EYS: variants seen among roughly 807,000 people sequenced by gnomAD.
EYS encodes protein eyes shut homolog.
Under a neutral mutation model 282.1 loss-of-function variants are expected in EYS, and 250 were observed. The observed-to-expected ratio is 0.89, with a 90% CI of 0.80 to 0.98. The LOEUF (loss-of-function observed/expected upper bound fraction) is 0.98, where lower values mean the gene tolerates loss of function less well. Ranked by LOEUF, EYS falls within the 50% of genes least tolerant of loss-of-function variation. The pLI is 0.00. For missense variants in EYS, 4,016 were observed against 3,709.0 expected (o/e 1.08, Z -2.15); for synonymous variants, 1,355 against 1,282.9 (o/e 1.06, Z -1.20).
intron 26 of EYS, among the ~76,000 whole-genome samples, chr6:64,531,585 TTTA>T (rs1332881490): frequency 2.7e-5 from 4 of 149,766 alleles, no homozygotes; most frequent in African/African-American, 9.8e-5. Context: ...TTTATTTTAT[TTTA>T]TTTTATTTTA....
At chr6:64,300,514 C>T (rs1769197125) in intron 30 of EYS, among the ~76,000 whole-genome samples, 1 of 152,196 alleles carries the variant, frequency 6.6e-6, no homozygotes, top group Non-Finnish European at 1.5e-5. Context: ...CTCCAAATCC[C>T]ATTTAAGTAA....
intron 19 of EYS, among the ~76,000 whole-genome samples, chr6:64,839,762 G>T (rs1233390138): frequency 6.6e-6 from 1 of 151,966 alleles, no homozygotes; most frequent in East Asian, 1.9e-4. Context: ...CTTGTTGCTG[G>T]ATCCTAGAGG....
At chr6:64,391,773 T>C (rs1198038766) in intron 28 of EYS, among the ~76,000 whole-genome samples, 4 of 151,916 alleles carry the variant, frequency 2.6e-5, no homozygotes, top group South Asian at 2.1e-4. Context: ...TCACACATAA[T>C]AATATTAACT....
At chr6:63,832,705 A>T (rs188379686) in intron 36 of EYS, among the ~76,000 whole-genome samples, 1 of 152,340 alleles carries the variant, frequency 6.6e-6, no homozygotes, top group Admixed American at 6.5e-5. Flanking sequence ...AATACTCCCT[A>T]ACTCATTTCA....
chr6:64,607,938 T>C (rs1191369585), intron 24 of EYS, among the ~76,000 whole-genome samples: 1 of 152,146 alleles, frequency 6.6e-6, no homozygotes, highest in Non-Finnish European at 1.5e-5. Flanking sequence ...CACAAAATTG[T>C]TTTAATCATT....
At chr6:64,378,537 G>A (rs1191974058) in intron 29 of EYS, among the ~76,000 whole-genome samples, 1 of 152,114 alleles carries the variant, frequency 6.6e-6, no homozygotes, top group Non-Finnish European at 1.5e-5. Context: ...GATTAGCACA[G>A]AGTAGAATGA....
At chr6:63,891,375 A>G (rs1773402940) in intron 35 of EYS, among the ~76,000 whole-genome samples, 1 of 152,182 alleles carries the variant, frequency 6.6e-6, no homozygotes, top group Non-Finnish European at 1.5e-5. Flanking sequence ...GCACATTAAA[A>G]AGCTTATCCA....
chr6:65,652,022 A>G (rs190910397), intron 1 of EYS, among the ~76,000 whole-genome samples: 138 of 152,132 alleles, frequency 9.1e-4, no homozygotes, highest in Non-Finnish European at 1.8e-3. Context: ...TAGACACAAT[A>G]GAAGCTCCAT....
At chr6:65,263,765 T>G in intron 12 of EYS, among the ~76,000 whole-genome samples, 1 of 146,350 alleles carries the variant, frequency 6.8e-6, no homozygotes, top group African/African-American at 2.6e-5. Context: ...TAAAAAACAA[T>G]TGTGGTAGCT....
At chr6:65,359,223 T>A (rs953106996) in intron 8 of EYS, among the ~76,000 whole-genome samples, 1 of 152,194 alleles carries the variant, frequency 6.6e-6, no homozygotes, top group East Asian at 1.9e-4. Context: ...ATCTATTTCT[T>A]GTATCTCATG....
chr6:63,990,157 G>A (rs566182152), intron 34 of EYS, among the ~76,000 whole-genome samples: 1 of 151,568 alleles, frequency 6.6e-6, no homozygotes, highest in African/African-American at 2.4e-5. Context: ...TATAATTTGG[G>A]GAATTAAATA....
intron 22 of EYS, among the ~76,000 whole-genome samples, chr6:64,773,499 G>T (rs1773587513): frequency 6.6e-6 from 1 of 151,672 alleles, no homozygotes; most frequent in Admixed American, 6.6e-5. Context: ...CTCAATAATG[G>T]GATTGCTGGA....
intron 12 of EYS, among the ~76,000 whole-genome samples, chr6:65,287,370 T>C (rs1378490376): frequency 6.6e-6 from 1 of 151,500 alleles, no homozygotes; most frequent in African/African-American, 2.4e-5. Flanking sequence ...CTTCCCAAGA[T>C]GGTTATTTTA....
At chr6:65,255,748 T>TA (rs1767443593) in intron 12 of EYS, among the ~76,000 whole-genome samples, 1 of 151,912 alleles carries the variant, frequency 6.6e-6, no homozygotes, top group Admixed American at 6.6e-5. Context: ...AACAGGTGTA[T>TA]AAAAAATGTT....
intron 26 of EYS, among the ~76,000 whole-genome samples, chr6:64,545,505 T>G (rs1223415797): frequency 1.3e-5 from 2 of 152,216 alleles, no homozygotes; most frequent in Non-Finnish European, 2.9e-5. Flanking sequence ...AACGTAGTGT[T>G]GGAAGTTCTG....
chr6:64,258,731 T>C (rs1767485224), intron 30 of EYS, among the ~76,000 whole-genome samples: 1 of 152,064 alleles, frequency 6.6e-6, no homozygotes, highest in Non-Finnish European at 1.5e-5. Flanking sequence ...TTCTGAACTT[T>C]TTTAAACGTA....
At chr6:64,250,110 T>C (rs896968533) in intron 30 of EYS, among the ~76,000 whole-genome samples, 1 of 152,202 alleles carries the variant, frequency 6.6e-6, no homozygotes, top group Non-Finnish European at 1.5e-5. Context: ...GTCCATCTGG[T>C]TCTAATAGTG....
intron 2 of EYS, among the ~76,000 whole-genome samples, chr6:65,618,760 C>T (rs1408324887): frequency 1.3e-5 from 2 of 152,122 alleles, no homozygotes; most frequent in Non-Finnish European, 2.9e-5. Flanking sequence ...CCAGTTTCAG[C>T]TTTCTACATA....
chr6:65,692,378 C>G (rs1447520787), intron 1 of EYS, among the ~76,000 whole-genome samples: 2 of 149,814 alleles, frequency 1.3e-5, no homozygotes, highest in African/African-American at 4.9e-5. Context: ...TATAATAATA[C>G]CACACTTGTG....
Sources: gnomAD v4.1 joint callset for allele counts (sites outside exome capture counted in the v4.1 genomes callset) on GRCh38, gnomAD v4.1.1 for gene constraint, MANE v1.5 for transcripts, NCBI Gene and HGNC (gene_info 2026-07-23, HGNC 2026-07-21) for gene names.